The following RGS6 variants were observed in gnomAD, a reference collection of about 807,000 sequenced individuals.
RGS6 encodes regulator of G protein signaling 6, also known as regulator of G-protein signaling 6.
A neutral mutation model predicts 78.5 loss-of-function variants in RGS6; 30 were observed. The ratio of observed to expected loss-of-function variants is 0.38; its 90% CI spans 0.29 to 0.52. The LOEUF (loss-of-function observed/expected upper bound fraction) is 0.52, where lower values mean the gene tolerates loss of function less well. Ranked by LOEUF, RGS6 falls within the 20% of genes least tolerant of loss-of-function variation. The pLI is 0.85. For synonymous variants in RGS6, 206 were observed against 206.0 expected, an observed-to-expected ratio of 1.00 and a Z score of 0.00; for missense variants, 495 against 609.7, an observed-to-expected ratio of 0.81 and a Z score of 1.98.
At chr14:72,187,098 A>G (rs2097257859) in intron 2 of RGS6, among the ~76,000 whole-genome samples, 1 of 152,264 alleles carries the variant, frequency 6.6e-6, no homozygotes, top group African/African-American at 2.4e-5. Flanking sequence ...TAAAGGGCTT[A>G]GAAAATGTAA....
At chr14:71,930,163 TTCTGTCTA>T (rs1045126400), upstream of RGS6, among the ~76,000 whole-genome samples, 16 of 137,692 alleles carry the variant, frequency 1.2e-4, no homozygotes, top group East Asian at 1.6e-3. Flanking sequence ...ACTTATATTT[TTCTGTCTA>T]TCTATCTATA....
intron 2 of RGS6, among the ~76,000 whole-genome samples, chr14:72,222,046 A>G (rs1203883251): frequency 6.6e-6 from 1 of 152,206 alleles, no homozygotes. Flanking sequence ...TGCTGGTTGG[A>G]TTTGACTTCT....
At chr14:72,015,928 T>G (rs763862079) in intron 2 of RGS6, among the ~76,000 whole-genome samples, 2 of 152,220 alleles carry the variant, frequency 1.3e-5, no homozygotes, top group Non-Finnish European at 2.9e-5. Flanking sequence ...TTATTAATGA[T>G]TTATAAGAAT....
intron 1 of RGS6, among the ~76,000 whole-genome samples, chr14:71,943,912 T>A (rs2091056442): frequency 6.6e-6 from 1 of 152,144 alleles, no homozygotes; most frequent in Non-Finnish European, 1.5e-5. Flanking sequence ...CATGGATTGG[T>A]ATGAGTGTGG....
intron 2 of RGS6, among the ~76,000 whole-genome samples, chr14:72,059,075 T>G (rs1202639618): frequency 6.6e-6 from 1 of 152,088 alleles, no homozygotes; most frequent in African/African-American, 2.4e-5. Context: ...AATTTTTGTA[T>G]TTTTAGTAGA....
rs547088360 is a variant in RGS6 at position 71,943,606 on chromosome 14, G to T, written c.-21+10665G>T. Reference sequence around the variant, plus strand: ...ACATCTAAGTGGGAGAAGGCAGCGTGGGCAAGATCTCTGTGGTAGCCAAAG... The same window carrying T: ...ACATCTAAGTGGGAGAAGGCAGCGTTGGCAAGATCTCTGTGGTAGCCAAAG... On this transcript the variant is annotated intron_variant, in intron 1 of 17. Coordinates refer to ENST00000553525, the MANE Select transcript of RGS6 (RefSeq NM_001204424.2). Among the ~76,000 whole-genome samples the T allele has an allele frequency of 4.6e-5, 7 of 152,300 alleles. No homozygotes were observed. In the South Asian group the frequency reaches 1.5e-3, roughly 32 times the overall value.
At chr14:72,224,326 G>A (rs1396849828) in intron 2 of RGS6, among the ~76,000 whole-genome samples, 1 of 152,104 alleles carries the variant, frequency 6.6e-6, no homozygotes, top group Non-Finnish European at 1.5e-5. Flanking sequence ...GTTGAGGTGG[G>A]AGGATGGCTT....
chr14:72,564,942 A>T lies in RGS6; in HGVS notation c.*2475A>T, dbSNP rs2097702994. 6.6e-6 allele frequency: 1 copy of T among 152,334 alleles called. No homozygotes were observed. Among genetic ancestry groups the T allele is most frequent in the Non-Finnish European group, 1.5e-5 (1 of 68,154 alleles). The allele number at this position is 152,334 out of a possible 1,614,324, so 9.4% of individuals were successfully genotyped here. A position where few individuals can be genotyped will look rare whatever the true frequency, so the allele number is the denominator to read the frequency against. On this transcript the variant is annotated 3_prime_UTR_variant, in exon 18 of 18. Coordinates refer to ENST00000553525, the MANE Select transcript of RGS6 (RefSeq NM_001204424.2). ...CTAAGGCACTCATGTTCCCCAGTAG[A>T]TCAAGCCAGAAGCTTTGCAAGAAGG... is the stretch of plus-strand genomic sequence containing the variant.
chr14:72,424,483 A>G (rs192241889), intron 3 of RGS6, among the ~76,000 whole-genome samples: 2 of 152,094 alleles, frequency 1.3e-5, no homozygotes, highest in South Asian at 2.1e-4. Context: ...TGTTGCTTTC[A>G]GGCCTTTTTT....
chr14:72,510,176 G>A lies in RGS6; in HGVS notation c.988G>A (p.Val330Ile), dbSNP rs1222947105. The change falls in exon 14 of 18, where the codon GTA becomes ATA. Residue 330 changes from valine to isoleucine, a missense_variant. Physicochemically the swap from Val to Ile is conservative, Grantham distance 29 (BLOSUM62 3). Transcript: ENST00000553525. ...AAGCAAAGAGCCCAGCCAACAGCGA[G>A]TAAAAAGATGGGGCTTCTCTTTCGA... Reference protein sequence around the residue: ...EMSKEPSQQRVKRWGFSFDEI... With the variant: ...EMSKEPSQQRIKRWGFSFDEI... The A allele has an allele frequency of 6.2e-6, 10 of 1,611,478 alleles. No homozygotes were observed. Among genetic ancestry groups the A allele is most frequent in the Middle Eastern group, 3.3e-4 (2 of 6,072 alleles).
intron 2 of RGS6, among the ~76,000 whole-genome samples, chr14:72,058,736 A>G (rs2093744432): frequency 6.6e-6 from 1 of 152,272 alleles, no homozygotes; most frequent in East Asian, 1.9e-4. Flanking sequence ...ACTTTTGACT[A>G]TGTGATGTTG....
chr14:72,011,786 T>C (rs2085801367), intron 2 of RGS6, among the ~76,000 whole-genome samples: 1 of 151,960 alleles, frequency 6.6e-6, no homozygotes, highest in Non-Finnish European at 1.5e-5. Flanking sequence ...TCTGGGGGGG[T>C]ACTGGAGGCA....
the RGS6 span, among the ~76,000 whole-genome samples, chr14:71,925,171 G>A: frequency 6.6e-6 from 1 of 152,144 alleles, no homozygotes; most frequent in South Asian, 2.1e-4. Context: ...ATTTAATGAT[G>A]TGGAACATTC....
intron 13 of RGS6, among the ~76,000 whole-genome samples, chr14:72,506,124 A>G (rs2096795470): frequency 6.6e-6 from 1 of 152,178 alleles, no homozygotes; most frequent in African/African-American, 2.4e-5. Context: ...ACATCACTAT[A>G]CACATTTCTA....
chr14:72,562,308 C>T (rs866992697), intron 17 of RGS6, 109 bp from the exon 18 acceptor site: 17 of 1,105,478 alleles, frequency 1.5e-5, no homozygotes, highest in African/African-American at 7.7e-5. Context: ...GTTGGTTGGT[C>T]GTTTGGCCTA....
chr14:72,023,404 T>A (rs1390620261), intron 2 of RGS6, among the ~76,000 whole-genome samples: 1 of 151,954 alleles, frequency 6.6e-6, no homozygotes, highest in East Asian at 1.9e-4. Context: ...CCATTTAAAA[T>A]TTGACTCTTT....
At chr14:72,058,387 CAT>C (rs2093722987) in intron 2 of RGS6, among the ~76,000 whole-genome samples, 1 of 151,890 alleles carries the variant, frequency 6.6e-6, no homozygotes, top group Non-Finnish European at 1.5e-5. Context: ...TTTTTTTGGT[CAT>C]AAAACGATGA....
At chr14:72,382,231 G>C (rs1436461974) in intron 3 of RGS6, among the ~76,000 whole-genome samples, 2 of 151,922 alleles carry the variant, frequency 1.3e-5, no homozygotes, top group African/African-American at 4.8e-5. Context: ...ATATATAAAA[G>C]ACTTCTAAAA....
At chr14:72,427,905 A>G (rs979627185) in intron 3 of RGS6, among the ~76,000 whole-genome samples, 3 of 152,174 alleles carry the variant, frequency 2.0e-5, no homozygotes, top group African/African-American at 7.2e-5. Context: ...TACATGAGAG[A>G]AAGGAGGAAT....
Sources: allele counts gnomAD v4.1 joint callset (sites outside exome capture counted in the v4.1 genomes callset), GRCh38; gene constraint gnomAD v4.1.1; transcripts MANE v1.5; gene names NCBI Gene and HGNC (gene_info 2026-07-23, HGNC 2026-07-21).